Variants in IFT81 observed in about 807,000 individuals in gnomAD.
The protein encoded by IFT81 is intraflagellar transport 81.
Under a neutral mutation model 102.6 loss-of-function variants are expected in IFT81, and 72 were observed. That is an observed-to-expected ratio of 0.70 (90% confidence interval 0.58 to 0.85). The LOEUF is 0.85. Among genes scored for constraint, IFT81 ranks in the 40% least tolerant of loss-of-function variants. The pLI, the probability that IFT81 is intolerant of heterozygous loss-of-function variation, is 0.00. For synonymous variants in IFT81, 237 were observed against 242.7 expected (o/e 0.98, Z 0.22); for missense variants, 723 against 787.3 (o/e 0.92, Z 0.98).
intron 12 of IFT81, among the ~76,000 whole-genome samples, chr12:110,187,452 A>G (rs1408646627): frequency 1.3e-5 from 2 of 152,100 alleles, no homozygotes; most frequent in African/African-American, 2.4e-5. Flanking sequence ...TTTAGTAAAG[A>G]CAGAATTTCA....
Position 110,180,434 on chromosome 12 carries a change from G to A in IFT81, c.1201G>A (p.Val401Ile). 2 of 1,601,916 alleles carry A rather than the reference G, an allele frequency of 1.2e-6. No individual in the cohort carries two copies. The highest frequency in any genetic ancestry group is 1.7e-6 in the Non-Finnish European group (2 of 1,171,046). ...VLKGDEFKRY[V>I]NKLRSKSTVF... ...GTTTTTTTTACAGTTCAAACGATAT[G>A]TCAATAAACTTCGAAGCAAGAGTAC... The change falls in exon 12 of 19, where the codon GTC (valine) becomes ATC (isoleucine). Residue 401 changes from valine (V) to isoleucine (I), a missense_variant. Transcript: ENST00000242591.
chr12:110,197,582 A>ATATATATATATATATATATATACC (rs1898071161), intron 14 of IFT81, among the ~76,000 whole-genome samples: 1 of 141,956 alleles, frequency 7.0e-6, no homozygotes, highest in Non-Finnish European at 1.5e-5. Context: ...ATATATATAT[A>ATATATATATATATATATATATACC]TACCTCACTT....
Position 110,128,091 on chromosome 12 carries a change from C to T in IFT81, c.190C>T (p.Arg64Ter), listed in dbSNP as rs372027811. 1.2e-5 allele frequency: 19 copies of T among 1,613,598 alleles called. No homozygotes were observed. Among genetic ancestry groups the T allele is most frequent in the African/African-American group, 2.7e-5 (2 of 74,854 alleles). The change falls in exon 3 of 19, where the codon CGA becomes TGA. Residue 64 changes from arginine (R) to a stop codon, truncating the protein, a stop_gained. Coordinates refer to ENST00000242591, the MANE Select transcript of IFT81 (RefSeq NM_014055.4). LOFTEE classifies it high-confidence loss of function. Reference protein sequence around the residue: ...REEMPEQTAKRMLSLLGILKY... With the variant: ...REEMPEQTAK ...GGAGATGCCAGAGCAGACAGCCAAA[C>T]GAATGTTGAGCCTTCTTGGTATTCT... is the stretch of plus-strand genomic sequence containing the variant.
chr12:110,160,074 A>C (rs927715144), intron 10 of IFT81, among the ~76,000 whole-genome samples: 2 of 152,150 alleles, frequency 1.3e-5, no homozygotes, highest in Admixed American at 6.6e-5. Context: ...GCCTCCTCAA[A>C]CGGTTTCGAA....
At chr12:110,157,973 G>C (rs1016428407) in intron 10 of IFT81, among the ~76,000 whole-genome samples, 4 of 152,112 alleles carry the variant, frequency 2.6e-5, no homozygotes, top group African/African-American at 9.7e-5. Flanking sequence ...GCATCTTTAA[G>C]ACAGTAGTTT....
intron 18 of IFT81, among the ~76,000 whole-genome samples, chr12:110,215,726 C>G (rs1338860895): frequency 1.3e-5 from 2 of 151,600 alleles, no homozygotes; most frequent in African/African-American, 4.8e-5. Flanking sequence ...CACTTATTGT[C>G]TCTGACTTTG....
intron 14 of IFT81, among the ~76,000 whole-genome samples, chr12:110,200,455 A>G (rs1898209078): frequency 6.6e-6 from 1 of 152,174 alleles, no homozygotes; most frequent in Non-Finnish European, 1.5e-5. Context: ...TTAAAATGGT[A>G]TGCTTTATAG....
At chr12:110,159,854 C>T (rs1409909296) in intron 10 of IFT81, among the ~76,000 whole-genome samples, 1 of 152,166 alleles carries the variant, frequency 6.6e-6, no homozygotes, top group Non-Finnish European at 1.5e-5. Context: ...GGGGATGGGA[C>T]CTGCTATTGT....
chr12:110,191,154 T>C, intron 13 of IFT81, 106 bp downstream of exon 13: 5 of 986,802 alleles, frequency 5.1e-6, no homozygotes, highest in South Asian at 1.9e-5. Flanking sequence ...TTTCTGCACA[T>C]TACATTCTTT....
At chr12:110,183,120 C>G (rs1005910282) in intron 12 of IFT81, among the ~76,000 whole-genome samples, 1 of 152,190 alleles carries the variant, frequency 6.6e-6, no homozygotes, top group African/African-American at 2.4e-5. Flanking sequence ...CATACGAATG[C>G]TATCATACTT....
intron 9 of IFT81, among the ~76,000 whole-genome samples, chr12:110,145,798 ATTTTGTTTTG>A (rs147861077): frequency 5.3e-5 from 8 of 149,578 alleles, no homozygotes; most frequent in Non-Finnish European, 1.0e-4. Flanking sequence ...TCTGGCTAAA[ATTTTGTTTTG>A]TTTTGTTTTG....
At chr12:110,189,967 G>A (rs947237705) in intron 12 of IFT81, among the ~76,000 whole-genome samples, 1 of 152,116 alleles carries the variant, frequency 6.6e-6, no homozygotes, top group African/African-American at 2.4e-5. Context: ...CCTGATTCAT[G>A]CTACCATTTT....
intron 12 of IFT81, among the ~76,000 whole-genome samples, chr12:110,190,509 T>C (rs1035743341): frequency 3.9e-5 from 6 of 152,182 alleles, no homozygotes; most frequent in African/African-American, 1.2e-4. Flanking sequence ...AAGGGATTTT[T>C]TTTTTCCTGT....
At chr12:110,203,668 A>G in intron 14 of IFT81, 196 bp from the exon 15 acceptor site, 1 of 597,696 alleles carries the variant, frequency 1.7e-6, no homozygotes, top group South Asian at 1.8e-5. Context: ...ACAGCTCAAT[A>G]CATGGTAGCT....
At chr12:110,131,658 C>T (rs1894171743) in intron 4 of IFT81, among the ~76,000 whole-genome samples, 1 of 152,072 alleles carries the variant, frequency 6.6e-6, no homozygotes, top group African/African-American at 2.4e-5. Context: ...CATTCAACTA[C>T]TTTATATTAA....
At chr12:110,150,286 A>G (rs1566120470) in intron 10 of IFT81, among the ~76,000 whole-genome samples, 1 of 151,776 alleles carries the variant, frequency 6.6e-6, no homozygotes, top group Non-Finnish European at 1.5e-5. Flanking sequence ...TTGTATTTTT[A>G]GTAGAGACAG....
intron 11 of IFT81, among the ~76,000 whole-genome samples, chr12:110,174,457 G>GA (rs573702387): frequency 0.11 from 6,171 of 55,092 alleles, 439 homozygotes; most frequent in African/African-American, 0.25. Context: ...CTCCGTCTCA[G>GA]AAAAAAAAAA....
At chr12:110,180,625 G>A in intron 12 of IFT81, 54 bp downstream of exon 12, 1 of 1,377,482 alleles carries the variant, frequency 7.3e-7, no homozygotes, top group Non-Finnish European at 1.0e-6. Flanking sequence ...GAGGTTTATG[G>A]GTTACAGCTT....
intron 18 of IFT81, among the ~76,000 whole-genome samples, chr12:110,211,175 CTTTTTTTTTT>C (rs796140785): frequency 3.9e-5 from 4 of 102,212 alleles, no homozygotes; most frequent in East Asian, 5.9e-4. Flanking sequence ...ATTAGGCTTT[CTTTTTTTTTT>C]TTTTTTTTTT....
Sources: gnomAD v4.1 joint callset for allele counts (sites outside exome capture counted in the v4.1 genomes callset) on GRCh38, gnomAD v4.1.1 for gene constraint, MANE v1.5 for transcripts, NCBI Gene and HGNC (gene_info 2026-07-23, HGNC 2026-07-21) for gene names.